Variants in XPO7 observed in about 807,000 individuals in gnomAD.
The protein encoded by XPO7 is exportin 7.
Under a neutral mutation model 144.3 loss-of-function variants are expected in XPO7, and 21 were observed. That is an observed-to-expected ratio of 0.15 (90% CI 0.10 to 0.21). XPO7 has a LOEUF of 0.21. Among genes scored for constraint, XPO7 ranks in the 10% least tolerant of loss-of-function variants. The pLI, the probability that XPO7 is intolerant of heterozygous loss-of-function variation, is 1.00. For missense variants in XPO7, 808 were observed against 1,325.8 expected, an observed-to-expected ratio of 0.61 and a Z score of 6.06; for synonymous variants, 580 against 499.6, an observed-to-expected ratio of 1.16 and a Z score of -2.15.
chr8:21,967,631 C>A (rs564666017), intron 2 of XPO7, among the ~76,000 whole-genome samples: 4 of 152,134 alleles, frequency 2.6e-5, no homozygotes, highest in Non-Finnish European at 5.9e-5. Flanking sequence ...CCACACCCGG[C>A]CAATAAATGA....
At chr8:21,987,973 C>T in intron 15 of XPO7, 116 bp downstream of exon 15, 2 of 1,136,654 alleles carry the variant, frequency 1.8e-6, no homozygotes, top group South Asian at 3.1e-5. Context: ...TCGTTTGCGT[C>T]AGAAAATTGT....
chr8:21,985,459 T>G, intron 12 of XPO7, 127 bp from the exon 13 acceptor site: 1 of 877,552 alleles, frequency 1.1e-6, no homozygotes, highest in Non-Finnish European at 1.9e-6. Context: ...GAAGTAGCCA[T>G]TCTCTGTAAG....
At chr8:21,964,304 T>C (rs976589238) in intron 1 of XPO7, 1 of 152,196 alleles carries the variant, frequency 6.6e-6, no homozygotes, top group South Asian at 2.1e-4. Flanking sequence ...ATAGATGTTA[T>C]CATGCCAAGG....
At chr8:21,957,480 C>G (rs796339822) in intron 1 of XPO7, among the ~76,000 whole-genome samples, 4 of 152,062 alleles carry the variant, frequency 2.6e-5, no homozygotes, top group African/African-American at 9.7e-5. Flanking sequence ...AAGTCAGTTA[C>G]CATTGATTTT....
intron 19 of XPO7, 38 bp from the exon 20 acceptor site, chr8:21,994,325 T>G: frequency 6.5e-7 from 1 of 1,540,270 alleles, no homozygotes; most frequent in South Asian, 1.1e-5. Context: ...AGTTTTGTCT[T>G]TTCTTCTATT....
intron 9 of XPO7, among the ~76,000 whole-genome samples, chr8:21,981,446 TC>T (rs1324923083): frequency 2.6e-5 from 4 of 152,214 alleles, no homozygotes; most frequent in African/African-American, 7.2e-5. Context: ...AGTGTGATCC[TC>T]CTGGGCTTCT....
At position 21,995,421 on chromosome 8, in the gene XPO7, G is replaced by A. The variant is rs532596625; in HGVS notation, c.2238-71G>A. 46 of 1,386,872 alleles carry A rather than the reference G, an allele frequency of 3.3e-5. No individual in the cohort carries two copies. In the South Asian group the frequency reaches 5.3e-4, roughly 16 times the overall value. The allele number at this position is 1,386,872 out of a possible 1,614,324, so 85.9% of individuals were successfully genotyped here. A position where few individuals can be genotyped will look rare whatever the true frequency, so the allele number is the denominator to read the frequency against. The stretch of plus-strand genomic sequence containing the variant: ...AGTTTGACAAGTTTTTGCTTGGCTA[G>A]TGCTGAAAAACTATTTTAAATTCTG... On this transcript the variant is annotated intron_variant, in intron 20 of 27. Transcript: ENST00000252512.
intron 16 of XPO7, among the ~76,000 whole-genome samples, chr8:21,989,661 T>TCATTATACACATTATACA (rs1285606555): frequency 6.6e-6 from 1 of 152,068 alleles, no homozygotes; most frequent in Non-Finnish European, 1.5e-5. Context: ...AGAAGTTCAT[T>TCATTATACACATTATACA]CATTATACAC....
chr8:21,922,042 G>C, intron 1 of XPO7, among the ~76,000 whole-genome samples: 1 of 152,056 alleles, frequency 6.6e-6, no homozygotes, highest in East Asian at 1.9e-4. Flanking sequence ...GAGGGTGGCG[G>C]GGATATTTTT....
At chr8:21,998,276 C>T (rs1813018931) in intron 21 of XPO7, among the ~76,000 whole-genome samples, 1 of 152,084 alleles carries the variant, frequency 6.6e-6, no homozygotes. Context: ...CCCATCTCCA[C>T]TAAAAATACA....
chr8:21,923,902 G>T (rs1232279532), intron 1 of XPO7, among the ~76,000 whole-genome samples: 1 of 152,212 alleles, frequency 6.6e-6, no homozygotes, highest in African/African-American at 2.4e-5. Context: ...GCCCACTTCA[G>T]TATGTGCAAG....
At chr8:21,927,639 G>A (rs986890417) in intron 1 of XPO7, among the ~76,000 whole-genome samples, 2 of 149,492 alleles carry the variant, frequency 1.3e-5, no homozygotes, top group African/African-American at 2.5e-5. Flanking sequence ...TCTGCCTCCC[G>A]GGTTCAAGCA....
intron 25 of XPO7, among the ~76,000 whole-genome samples, chr8:22,002,579 G>A (rs893063975): frequency 2.6e-4 from 39 of 152,124 alleles, no homozygotes; most frequent in African/African-American, 8.7e-4. Flanking sequence ...AAATAGAGCA[G>A]GAGTTAGCAG....
intron 1 of XPO7, among the ~76,000 whole-genome samples, chr8:21,929,986 C>G (rs769498564): frequency 6.6e-6 from 1 of 152,100 alleles, no homozygotes; most frequent in Non-Finnish European, 1.5e-5. Flanking sequence ...CTAATCCATC[C>G]TAGAAATAAA....
chr8:21,920,870 CAAGT>C (rs1292096445), intron 1 of XPO7, among the ~76,000 whole-genome samples: 4 of 152,124 alleles, frequency 2.6e-5, no homozygotes, highest in Non-Finnish European at 1.5e-5. Flanking sequence ...CATCATTCCT[CAAGT>C]AAGAAGAATG....
intron 1 of XPO7, among the ~76,000 whole-genome samples, chr8:21,936,757 T>A (rs976916157): frequency 6.6e-6 from 1 of 152,368 alleles, no homozygotes; most frequent in East Asian, 1.9e-4. Flanking sequence ...GGAATTTTTT[T>A]ATCATGTAAT....
chr8:21,960,631 A>T (rs1585442844), intron 1 of XPO7, among the ~76,000 whole-genome samples: 1 of 152,160 alleles, frequency 6.6e-6, no homozygotes, highest in Non-Finnish European at 1.5e-5. Flanking sequence ...TCCTTATCTC[A>T]TGCACGCCAG....
chr8:21,984,060 C>G (rs898963947), intron 11 of XPO7, among the ~76,000 whole-genome samples: 2 of 152,196 alleles, frequency 1.3e-5, no homozygotes, highest in African/African-American at 4.8e-5. Context: ...TGTTACAAAA[C>G]CGGACGGGAG....
chr8:21,936,983 C>G (rs1185369089), intron 1 of XPO7, among the ~76,000 whole-genome samples: 2 of 152,138 alleles, frequency 1.3e-5, no homozygotes, highest in East Asian at 3.9e-4. Context: ...CTGGCCTTAG[C>G]AAGATAAAAA....
Sources: allele counts gnomAD v4.1 joint callset (sites outside exome capture counted in the v4.1 genomes callset), GRCh38; gene constraint gnomAD v4.1.1; transcripts MANE v1.5; gene names NCBI Gene and HGNC (gene_info 2026-07-23, HGNC 2026-07-21).